Variants in ADCY9 observed in about 807,000 individuals in gnomAD.
ADCY9 encodes adenylate cyclase type 9.
ADCY9 carries 50 observed loss-of-function variants against 101.5 expected under a neutral mutation model. That is an observed-to-expected ratio of 0.49 (90% CI 0.39 to 0.62). The LOEUF is 0.62. Ranked by LOEUF, ADCY9 falls within the 20% of genes least tolerant of loss-of-function variation. The probability of loss-of-function intolerance (pLI) is 0.00; values close to 1 mark genes in which losing one functional copy is unlikely to be tolerated. For synonymous variants in ADCY9, 905 were observed against 769.3 expected, an observed-to-expected ratio of 1.18 and a Z score of -2.92; for missense variants, 1,662 against 1,800.4, an observed-to-expected ratio of 0.92 and a Z score of 1.39.
intron 3 of ADCY9, among the ~76,000 whole-genome samples, chr16:4,003,720 G>A (rs2056347733): frequency 6.6e-6 from 1 of 152,024 alleles, no homozygotes; most frequent in Non-Finnish European, 1.5e-5. Flanking sequence ...ATGAGCCACT[G>A]CACCTGGCTG....
chr16:4,004,881 G>C (rs138862305), intron 3 of ADCY9, among the ~76,000 whole-genome samples: 1 of 152,198 alleles, frequency 6.6e-6, no homozygotes, highest in Non-Finnish European at 1.5e-5. Context: ...AGTATCTCAA[G>C]TGAGCAGCAG....
intron 2 of ADCY9, among the ~76,000 whole-genome samples, chr16:4,056,739 T>C (rs922209044): frequency 5.3e-5 from 8 of 152,214 alleles, no homozygotes; most frequent in Non-Finnish European, 1.0e-4. Flanking sequence ...GCACTGTGCC[T>C]AGTGCATAGT....
intron 6 of ADCY9, among the ~76,000 whole-genome samples, chr16:3,984,336 C>T (rs1329773098): frequency 6.6e-6 from 1 of 152,150 alleles, no homozygotes; most frequent in Non-Finnish European, 1.5e-5. Flanking sequence ...ACATCATCGC[C>T]TGGGAACCTA....
chr16:4,083,882 G>A (rs1018879947), intron 2 of ADCY9, among the ~76,000 whole-genome samples: 12 of 152,030 alleles, frequency 7.9e-5, no homozygotes, highest in Admixed American at 3.9e-4. Context: ...CGGGTGTGCC[G>A]GGCTTCTCTG....
chr16:4,105,789 G>A (rs1371576698), intron 2 of ADCY9, among the ~76,000 whole-genome samples: 1 of 151,940 alleles, frequency 6.6e-6, no homozygotes, highest in Non-Finnish European at 1.5e-5. Context: ...CGAGGCTGCA[G>A]TGAACTGTGA....
intron 2 of ADCY9, among the ~76,000 whole-genome samples, chr16:4,060,146 A>T (rs572954734): frequency 6.6e-6 from 1 of 152,326 alleles, no homozygotes; most frequent in South Asian, 2.1e-4. Context: ...AAACAACAGG[A>T]AATGTACAGA....
chr16:4,054,061 T>C (rs2056719906), intron 2 of ADCY9: 1 of 150,302 alleles, frequency 6.7e-6, no homozygotes, highest in African/African-American at 2.4e-5. Flanking sequence ...ATTTTTCTAA[T>C]GCATGTGTCA....
chr16:4,004,564 C>G (rs777687174), intron 3 of ADCY9, among the ~76,000 whole-genome samples: 5 of 152,184 alleles, frequency 3.3e-5, no homozygotes, highest in Non-Finnish European at 5.9e-5. Flanking sequence ...TGCATCGCTC[C>G]ATGTGTTTAA....
At position 4,115,727 on chromosome 16, in the gene ADCY9, G is replaced by A; in HGVS notation, c.-81C>T. The A allele has an allele frequency of 2.3e-6, 1 of 428,100 alleles. No homozygotes were observed. The allele number at this position is 428,100 out of a possible 1,614,324, so 26.5% of individuals were successfully genotyped here. A position where few individuals can be genotyped will look rare whatever the true frequency, so the allele number is the denominator to read the frequency against. On this transcript the variant is annotated 5_prime_UTR_variant, in exon 1 of 11. Transcript: ENST00000294016. The surrounding 1 kb of genome is among the most constrained non-coding windows in gnomAD (Gnocchi z 6.2). ...GGGGTCCCCGCCGCGTGGCCGCCGT[G>A]GCTCCGGGACCGCTTTGCTCGCTCG...
intron 2 of ADCY9, among the ~76,000 whole-genome samples, chr16:4,053,659 G>A (rs751466270): frequency 2.2e-5 from 3 of 133,792 alleles, no homozygotes; most frequent in Non-Finnish European, 3.1e-5. Flanking sequence ...ACTGCCAACC[G>A]GCAAGGTCAC....
chr16:4,012,903 T>C (rs1026297087), intron 2 of ADCY9, among the ~76,000 whole-genome samples: 14 of 152,076 alleles, frequency 9.2e-5, no homozygotes, highest in African/African-American at 3.1e-4. Flanking sequence ...ATTCTTGCCT[T>C]GGACTGAGAT....
chr16:4,042,854 T>G (rs1252361737), intron 2 of ADCY9, among the ~76,000 whole-genome samples: 1 of 152,238 alleles, frequency 6.6e-6, no homozygotes, highest in Non-Finnish European at 1.5e-5. Context: ...GGTTTTGGTC[T>G]GCTAACTTAT....
intron 2 of ADCY9, among the ~76,000 whole-genome samples, chr16:4,075,253 C>T (rs2056859744): frequency 6.6e-6 from 1 of 152,188 alleles, no homozygotes; most frequent in African/African-American, 2.4e-5. Flanking sequence ...ATTCTCCTGT[C>T]CCAGCCTCCC....
chr16:4,083,825 A>C (rs1476735576), intron 2 of ADCY9, among the ~76,000 whole-genome samples: 1 of 152,190 alleles, frequency 6.6e-6, no homozygotes, highest in Non-Finnish European at 1.5e-5. Context: ...AGAGACAGAA[A>C]GCAGCTTAGG....
chr16:3,956,041 T>A (rs1344303684), intron 5 of ADCY9, among the ~76,000 whole-genome samples: 2 of 151,874 alleles, frequency 1.3e-5, no homozygotes, highest in African/African-American at 4.8e-5. Flanking sequence ...TTTGAAAAAT[T>A]TTTCGTAGAA....
intron 2 of ADCY9, among the ~76,000 whole-genome samples, chr16:4,020,833 A>G (rs2056471471): frequency 6.6e-6 from 1 of 151,888 alleles, no homozygotes; most frequent in Non-Finnish European, 1.5e-5. Context: ...CTCAAAAAAA[A>G]AAAAAGAAAG....
intron 2 of ADCY9, among the ~76,000 whole-genome samples, chr16:4,052,859 C>T (rs886066912): frequency 6.6e-6 from 1 of 152,198 alleles, no homozygotes; most frequent in East Asian, 1.9e-4. Flanking sequence ...CCCGTTTCAG[C>T]CGAACGCATC....
chr16:4,006,526 G>A (rs1197205158), intron 3 of ADCY9, among the ~76,000 whole-genome samples: 1 of 152,136 alleles, frequency 6.6e-6, no homozygotes, highest in Non-Finnish European at 1.5e-5. Flanking sequence ...ATGTGGAGAG[G>A]CAGGGACGTA....
intron 2 of ADCY9, among the ~76,000 whole-genome samples, chr16:4,026,825 G>T (rs539264189): frequency 4.6e-5 from 7 of 152,312 alleles, no homozygotes; most frequent in African/African-American, 1.7e-4. Context: ...TTGCTGGGTC[G>T]GCAGGGGCCT....
Sources: gnomAD v4.1 joint callset for allele counts (sites outside exome capture counted in the v4.1 genomes callset) on GRCh38, gnomAD v4.1.1 for gene constraint, Gnocchi (gnomAD v3.1) non-coding constraint, MANE v1.5 for transcripts, NCBI Gene and HGNC (gene_info 2026-07-23, HGNC 2026-07-21) for gene names.